TIAM1: variants seen among roughly 807,000 people sequenced by gnomAD.
TIAM1 encodes the protein rho guanine nucleotide exchange factor TIAM1.
A neutral mutation model predicts 163.5 loss-of-function variants in TIAM1; 65 were observed. That is an observed-to-expected ratio of 0.40 (90% CI 0.33 to 0.49). The LOEUF is 0.49. Ranked by LOEUF, TIAM1 falls within the 20% of genes least tolerant of loss-of-function variation. The pLI is 0.77. For missense variants in TIAM1, 1,789 were observed against 2,044.7 expected, an observed-to-expected ratio of 0.87 and a Z score of 2.41; for synonymous variants, 833 against 810.1, an observed-to-expected ratio of 1.03 and a Z score of -0.48.
Position 31,442,084 on chromosome 21 carries a change from T to TATATATAG in TIAM1, c.-369+21898_-369+21899insCTATATAT, listed in dbSNP as rs1389424801. ...ACAAATAAATAAATATATATATATA[T>TATATATAG]ATAGAACAATAAGGGTATTGTAACA... On this transcript the variant is annotated intron_variant, in intron 2 of 28. Coordinates refer to the TIAM1 transcript ENST00000286827. Among the ~76,000 whole-genome samples, 261 of 122,690 alleles carry TATATATAG rather than the reference T, an allele frequency of 2.1e-3. 23 individuals carry two copies. The highest frequency in any genetic ancestry group is 7.8e-3 in the African/African-American group (249 of 32,082). 80.5% of individuals were successfully genotyped at this position (122,690 alleles called of 152,430 possible). A position where few individuals can be genotyped will look rare whatever the true frequency, so the allele number is the denominator to read the frequency against.
chr21:31,120,885 C>A lies in TIAM1; in HGVS notation c.4307-48G>T, dbSNP rs758426507. 1.3e-6 allele frequency: 2 copies of A among 1,505,200 alleles called. No homozygotes were observed. The highest frequency in any genetic ancestry group is 2.8e-5 in the African/African-American group (2 of 71,080). 93.2% of individuals were successfully genotyped at this position (1,505,200 alleles called of 1,614,324 possible). A position where few individuals can be genotyped will look rare whatever the true frequency, so the allele number is the denominator to read the frequency against. On this transcript the variant is annotated intron_variant, in intron 27 of 27. Transcript: ENST00000541036. This position sits in a 1 kb window ranked among gnomAD's most constrained non-coding sequence, Gnocchi z 4.2. ...AAAAATAAAACCCCCACATGCTTTA[C>A]GTGAGATGAAAATCCAGAAAGCAAA...
chr21:31,190,528 T>G (rs1012491066), intron 13 of TIAM1, among the ~76,000 whole-genome samples: 1 of 152,056 alleles, frequency 6.6e-6, no homozygotes, highest in African/African-American at 2.4e-5. Flanking sequence ...CAGGATACAA[T>G]GAAAATTCAG....
intron 2 of TIAM1, among the ~76,000 whole-genome samples, chr21:31,451,728 T>TGC (rs1569343182): frequency 8.9e-4 from 59 of 66,332 alleles, no homozygotes; most frequent in African/African-American, 3.4e-3. Context: ...CGTGTGTGTG[T>TGC]GTGTGTGTGT....
chr21:31,333,798 G>A (rs1217781873), intron 2 of TIAM1, among the ~76,000 whole-genome samples: 3 of 152,078 alleles, frequency 2.0e-5, no homozygotes, highest in East Asian at 1.9e-4. Context: ...TGTAAGCTAC[G>A]CTGTACCCCA....
At chr21:31,489,520 A>G (rs537871241) in intron 1 of TIAM1, among the ~76,000 whole-genome samples, 18 of 105,830 alleles carry the variant, frequency 1.7e-4, no homozygotes, top group Non-Finnish European at 1.9e-4. Flanking sequence ...GGAGGGAAGG[A>G]AGGGAGGGAG....
In TIAM1 at chr21:31,183,180, G is replaced by A. The variant is rs780405091; in HGVS notation, c.2663-535C>T. 6.9e-4 allele frequency among the ~76,000 whole-genome samples: 105 copies of A among 152,194 alleles called. 1 individual carries two copies. The highest frequency in any genetic ancestry group is 1.1e-3 in the Non-Finnish European group (75 of 68,038). On this transcript the variant is annotated intron_variant, in intron 14 of 27. Transcript: ENST00000541036. ...ATACACTTAGAGATGACAGTTTCAA[G>A]AACCCAATGCAATCATTTTGTCCTT...
intron 1 of TIAM1, among the ~76,000 whole-genome samples, chr21:31,495,331 G>A (rs575516574): frequency 2.0e-5 from 3 of 152,272 alleles, no homozygotes; most frequent in African/African-American, 7.2e-5. Context: ...AGTTGTCTGG[G>A]GAGAACTGCT....
In TIAM1 at chr21:31,407,598, C is replaced by A. The variant is rs528819733; in HGVS notation, c.-369+56385G>T. On this transcript the variant is annotated intron_variant, in intron 2 of 28. Transcript: ENST00000286827. ...AGTTCTAAGGTTAAGGATTTCAATACTGTCCTTTTCAAATGAGTCATTTGC... is the reference window on the plus strand; with the variant it reads ...AGTTCTAAGGTTAAGGATTTCAATAATGTCCTTTTCAAATGAGTCATTTGC... 1.5e-3 allele frequency among the ~76,000 whole-genome samples: 219 copies of A among 149,746 alleles called. 1 individual carries two copies. The highest frequency in any genetic ancestry group is 5.1e-3 in the African/African-American group (209 of 40,728).
intron 2 of TIAM1, among the ~76,000 whole-genome samples, chr21:31,394,726 TCTCACACACACACACACACA>T (rs2077029965): frequency 2.5e-5 from 2 of 81,564 alleles, no homozygotes; most frequent in African/African-American, 9.6e-5. Context: ...TCTCTCTCTC[TCTCACACACACACACACACA>T]CACACACACA....
At chr21:31,313,352 T>C (rs1377848038) in intron 2 of TIAM1, among the ~76,000 whole-genome samples, 1 of 152,172 alleles carries the variant, frequency 6.6e-6, no homozygotes, top group African/African-American at 2.4e-5. Flanking sequence ...GTGTTTTTTT[T>C]CCACTACATT....
intron 2 of TIAM1, among the ~76,000 whole-genome samples, chr21:31,338,366 G>C (rs1211365049): frequency 6.6e-6 from 1 of 152,086 alleles, no homozygotes; most frequent in Non-Finnish European, 1.5e-5. Flanking sequence ...ACCAACATAG[G>C]AGCCCAACCT....
At chr21:31,210,509 A>G (rs1490055330) in intron 10 of TIAM1, among the ~76,000 whole-genome samples, 1 of 140,786 alleles carries the variant, frequency 7.1e-6, no homozygotes, top group East Asian at 2.1e-4. Context: ...AAAAGAAAGA[A>G]AGAGAGAGAG....
chr21:31,469,549 C>T (rs2147369388), intron 1 of TIAM1, among the ~76,000 whole-genome samples: 1 of 152,264 alleles, frequency 6.6e-6, no homozygotes, highest in Non-Finnish European at 1.5e-5. Flanking sequence ...AATTTTCTGG[C>T]CAGGCACGGT....
intron 2 of TIAM1, among the ~76,000 whole-genome samples, chr21:31,435,967 C>G (rs759729406): frequency 1.1e-4 from 16 of 152,176 alleles, no homozygotes; most frequent in Non-Finnish European, 2.4e-4. Context: ...GAATCATGAG[C>G]CAAATAACCT....
chr21:31,265,183 G>A (rs906766490), intron 4 of TIAM1, among the ~76,000 whole-genome samples: 1 of 149,946 alleles, frequency 6.7e-6, no homozygotes, highest in Non-Finnish European at 1.5e-5. Flanking sequence ...CCATTCACTA[G>A]GAAAACACTT....
At chr21:31,193,217 A>C (rs1356021962) in intron 13 of TIAM1, among the ~76,000 whole-genome samples, 1 of 152,236 alleles carries the variant, frequency 6.6e-6, no homozygotes, top group African/African-American at 2.4e-5. Flanking sequence ...TATTCTTCGA[A>C]AGGCCCGCTT....
At chr21:31,444,516 A>G (rs1429383327) in intron 2 of TIAM1, among the ~76,000 whole-genome samples, 1 of 151,844 alleles carries the variant, frequency 6.6e-6, no homozygotes, top group Non-Finnish European at 1.5e-5. Flanking sequence ...GGGATAGATG[A>G]CTAATTGCTA....
chr21:31,323,844 A>G (rs2075396784), intron 2 of TIAM1, among the ~76,000 whole-genome samples: 1 of 151,618 alleles, frequency 6.6e-6, no homozygotes, highest in Admixed American at 6.6e-5. Context: ...AAAGAAACAC[A>G]CAAAAATTTA....
intron 19 of TIAM1, among the ~76,000 whole-genome samples, chr21:31,152,382 C>T (rs547840454): frequency 2.6e-5 from 4 of 152,316 alleles, no homozygotes; most frequent in South Asian, 2.1e-4. Flanking sequence ...AAGGCCCCCA[C>T]ATAAACCAAA....
Sources: allele counts gnomAD v4.1 joint callset (sites outside exome capture counted in the v4.1 genomes callset), GRCh38; gene constraint gnomAD v4.1.1; non-coding constraint Gnocchi (gnomAD v3.1); transcripts MANE v1.5; gene names NCBI Gene and HGNC (gene_info 2026-07-23, HGNC 2026-07-21).